HK1: variants seen among roughly 807,000 people sequenced by gnomAD.
HK1 encodes the protein hexokinase 1.
HK1 carries 28 observed loss-of-function variants against 91.6 expected under a neutral mutation model. The ratio of observed to expected loss-of-function variants is 0.31; its 90% CI spans 0.23 to 0.42. HK1 has a LOEUF of 0.42. Ranked by LOEUF, HK1 falls within the 10% of genes least tolerant of loss-of-function variation. HK1 has a pLI of 1.00. For missense variants in HK1, 770 were observed against 1,219.8 expected, an observed-to-expected ratio of 0.63 and a Z score of 5.49; for synonymous variants, 430 against 468.1, an observed-to-expected ratio of 0.92 and a Z score of 1.05.
chr10:69,294,346 C>T (rs117872282), intron 3 of HK1, among the ~76,000 whole-genome samples: 2,890 of 152,246 alleles, frequency 0.019, 49 homozygotes, highest in Middle Eastern at 0.037. Context: ...ATCCATTCAG[C>T]TATCATCAGG....
chr10:69,318,091 G>A (rs1846743893), upstream of HK1: 2 of 985,436 alleles, frequency 2.0e-6, no homozygotes, highest in Non-Finnish European at 2.4e-6. Flanking sequence ...CAGAGGGAGT[G>A]CGCCCTGAGG....
chr10:69,287,031 G>A (rs976712839), intron 2 of HK1, among the ~76,000 whole-genome samples: 8 of 151,912 alleles, frequency 5.3e-5, no homozygotes, highest in South Asian at 2.1e-4. Context: ...GTCTGTTTTC[G>A]CACTGCTATA....
chr10:69,274,317 C>T (rs931995305), intron 1 of HK1, among the ~76,000 whole-genome samples: 9 of 151,852 alleles, frequency 5.9e-5, no homozygotes, highest in Non-Finnish European at 1.0e-4. Flanking sequence ...AATACTTTTG[C>T]CCAGGCGCAG....
chr10:69,387,268 T>A (rs1033641028), intron 13 of HK1, among the ~76,000 whole-genome samples: 2 of 152,128 alleles, frequency 1.3e-5, no homozygotes, highest in African/African-American at 2.4e-5. Context: ...ATTAAACTTT[T>A]TTAAAAAAAA....
intron 16 of HK1, among the ~76,000 whole-genome samples, chr10:69,395,464 G>A (rs1357922694): frequency 6.6e-6 from 1 of 152,168 alleles, no homozygotes; most frequent in Non-Finnish European, 1.5e-5. Context: ...TGTAATCCCA[G>A]CTACTTGGGA....
intron 5 of HK1, among the ~76,000 whole-genome samples, chr10:69,301,244 CAAAA>C (rs35215102): frequency 8.8e-6 from 1 of 113,468 alleles, no homozygotes; most frequent in Non-Finnish European, 1.8e-5. Context: ...GACTCCATCT[CAAAA>C]AAAAAAAAAA....
At chr10:69,317,933 T>C (rs1819296726), upstream of HK1, 1 of 475,344 alleles carries the variant, frequency 2.1e-6, no homozygotes, top group African/African-American at 2.1e-5. Flanking sequence ...CCTCCCATCC[T>C]ACGTAACTTC....
rs867403321 is a variant in HK1 at position 69,384,552 on chromosome 10, C to T, written c.1719+71C>T. On this transcript the variant is annotated intron_variant, in intron 11 of 17. Transcript: ENST00000359426. ...GTGGCACCGGCAGTCACGTGATGAC[C>T]AAAATCCGCCACGGGGTGCCCACAT... 5.0e-5 allele frequency: 80 copies of T among 1,587,352 alleles called. 1 individual carries two copies. In the South Asian group the frequency reaches 8.5e-4, roughly 17 times the overall value.
At chr10:69,276,787 CTA>C (rs1205739229) in intron 1 of HK1, among the ~76,000 whole-genome samples, 1 of 148,954 alleles carries the variant, frequency 6.7e-6, no homozygotes, top group Non-Finnish European at 1.5e-5. Flanking sequence ...ATAACTATAA[CTA>C]TTATCTTTAT....
At position 69,344,068 on chromosome 10, in the gene HK1, C is replaced by T. The variant is rs574905764; in HGVS notation, c.226+79C>T. On this transcript the variant is annotated intron_variant, in intron 2 of 17. Coordinates refer to ENST00000359426, the MANE Select transcript of HK1 (RefSeq NM_000188.3). ...TTCCTTCTAACTTCATTTGTTCATA[C>T]ATTTGCTCATTCATTCATTCACCAT... is the stretch of plus-strand genomic sequence containing the variant. The T allele has an allele frequency of 1.7e-4, 239 of 1,418,240 alleles. 4 individuals are homozygous for T. The South Asian group carries it at 2.6e-3, about 16-fold the overall frequency. The allele number at this position is 1,418,240 out of a possible 1,614,324, so 87.9% of individuals were successfully genotyped here. A position where few individuals can be genotyped will look rare whatever the true frequency, so the allele number is the denominator to read the frequency against.
At chr10:69,346,091 C>T (rs980255744) in intron 2 of HK1, among the ~76,000 whole-genome samples, 2 of 152,126 alleles carry the variant, frequency 1.3e-5, no homozygotes, top group African/African-American at 2.4e-5. Flanking sequence ...CGTGTTGTGC[C>T]GGGCTTCTGT....
In HK1 at chr10:69,284,572, G is replaced by A. The variant is rs559520899; in HGVS notation, c.-215+1868G>A. On this transcript the variant is annotated intron_variant, in intron 2 of 21. Coordinates refer to the HK1 transcript ENST00000360289. Reference sequence around the variant, plus strand: ...CTCACTCGTGTAATCCCAGCACTTCGGGAAGCTGAGAGAGGAGGATCACTG... The same window carrying A: ...CTCACTCGTGTAATCCCAGCACTTCAGGAAGCTGAGAGAGGAGGATCACTG... 4.6e-5 allele frequency among the ~76,000 whole-genome samples: 7 copies of A among 152,226 alleles called. No homozygotes were observed. In the South Asian group the frequency reaches 6.2e-4, roughly 14 times the overall value.
intron 2 of HK1, among the ~76,000 whole-genome samples, chr10:69,353,868 T>C (rs757792972): frequency 3.3e-5 from 5 of 152,164 alleles, no homozygotes; most frequent in African/African-American, 4.8e-5. Flanking sequence ...TGAGCTGCCG[T>C]AGCAAACTAA....
intron 2 of HK1, chr10:69,282,721 C>T (rs1031671070): frequency 6.6e-6 from 1 of 152,118 alleles, no homozygotes; most frequent in Non-Finnish European, 1.5e-5. Flanking sequence ...CAAGTCATCC[C>T]AAGGCAACTA....
intron 16 of HK1, among the ~76,000 whole-genome samples, chr10:69,396,479 G>A (rs1350063152): frequency 6.6e-6 from 1 of 151,692 alleles, no homozygotes; most frequent in African/African-American, 2.4e-5. Flanking sequence ...AACTCTGTAC[G>A]CAGCAAACAC....
intron 8 of HK1, among the ~76,000 whole-genome samples, chr10:69,377,638 G>A (rs905972605): frequency 6.6e-6 from 1 of 151,798 alleles, no homozygotes; most frequent in African/African-American, 2.4e-5. Context: ...ACAATATTAT[G>A]GTAAAATAAA....
intron 1 of HK1, among the ~76,000 whole-genome samples, chr10:69,326,700 T>C (rs1847396181): frequency 6.6e-6 from 1 of 152,238 alleles, no homozygotes; most frequent in South Asian, 2.1e-4. Flanking sequence ...TAAACACCTC[T>C]GAGTCTGCTA....
chr10:69,351,464 G>A (rs948634078), intron 2 of HK1, among the ~76,000 whole-genome samples: 4 of 151,884 alleles, frequency 2.6e-5, no homozygotes, highest in Non-Finnish European at 5.9e-5. Context: ...AGCCGAGATC[G>A]CGCCATTGCC....
At chr10:69,292,263 G>A (rs1233385991) in intron 3 of HK1, 2 of 366,778 alleles carry the variant, frequency 5.5e-6, no homozygotes, top group Admixed American at 6.5e-5. Context: ...TGTAGAGACA[G>A]GGTCTTGCTA....
Sources: gnomAD v4.1 joint callset for allele counts (sites outside exome capture counted in the v4.1 genomes callset) on GRCh38, gnomAD v4.1.1 for gene constraint, MANE v1.5 for transcripts, NCBI Gene and HGNC (gene_info 2026-07-23, HGNC 2026-07-21) for gene names.